ARHGAP18: variants seen among roughly 807,000 people sequenced by gnomAD.
ARHGAP18 encodes the protein Rho GTPase activating protein 18, also known as rho GTPase-activating protein 18.
In ARHGAP18, 67 loss-of-function variants were observed where a neutral mutation model predicts 86.2. That is an observed-to-expected ratio of 0.78 (90% CI 0.64 to 0.95). The LOEUF is 0.95. Among genes scored for constraint, ARHGAP18 ranks in the 40% least tolerant of loss-of-function variants. The pLI is 0.00. For synonymous variants in ARHGAP18, 283 were observed against 280.4 expected, an observed-to-expected ratio of 1.01 and a Z score of -0.09; for missense variants, 691 against 780.4, an observed-to-expected ratio of 0.89 and a Z score of 1.37.
intron 1 of ARHGAP18, among the ~76,000 whole-genome samples, chr6:129,686,788 C>CTTTTTT (rs553951472): frequency 6.0e-5 from 7 of 117,492 alleles, no homozygotes; most frequent in Non-Finnish European, 9.0e-5. Context: ...CTAATAAAAC[C>CTTTTTT]TTTTTTTTTT....
chr6:129,609,568 A>G (rs1328849063), intron 8 of ARHGAP18, among the ~76,000 whole-genome samples: 1 of 152,296 alleles, frequency 6.6e-6, no homozygotes, highest in Non-Finnish European at 1.5e-5. Flanking sequence ...ATATGAAGTT[A>G]TGTTTGTTAC....
chr6:129,595,270 T>C (rs1230579853), intron 12 of ARHGAP18, among the ~76,000 whole-genome samples: 1 of 152,210 alleles, frequency 6.6e-6, no homozygotes, highest in Non-Finnish European at 1.5e-5. Context: ...CATAGTAACA[T>C]ATTACGAATC....
At chr6:129,674,622 G>A (rs1774198952) in intron 1 of ARHGAP18, among the ~76,000 whole-genome samples, 1 of 152,202 alleles carries the variant, frequency 6.6e-6, no homozygotes, top group Admixed American at 6.5e-5. Flanking sequence ...TGTATGGGTA[G>A]TGTATTAGGT....
At chr6:129,599,855 C>T (rs1186422101) in intron 11 of ARHGAP18, among the ~76,000 whole-genome samples, 2 of 152,122 alleles carry the variant, frequency 1.3e-5, no homozygotes, top group Non-Finnish European at 2.9e-5. Flanking sequence ...TAAGAAATCA[C>T]ATTAGCAAAA....
At chr6:129,685,011 T>G (rs144513298) in intron 1 of ARHGAP18, among the ~76,000 whole-genome samples, 1 of 152,138 alleles carries the variant, frequency 6.6e-6, no homozygotes, top group African/African-American at 2.4e-5. Flanking sequence ...GAAACGTCAT[T>G]ACTGCTTTCT....
chr6:129,684,170 G>C (rs961922777), intron 1 of ARHGAP18, among the ~76,000 whole-genome samples: 7 of 152,264 alleles, frequency 4.6e-5, no homozygotes, highest in Non-Finnish European at 8.8e-5. Context: ...AGGACTGCCA[G>C]TGACAGGAGG....
rs371451644 is a variant in ARHGAP18 at position 129,629,524 on chromosome 6, T to C, written c.617-2A>G. 5.0e-6 allele frequency: 8 copies of C among 1,608,862 alleles called. 1 individual carries two copies. Among genetic ancestry groups the C allele is most frequent in the Non-Finnish European group, 6.8e-6 (8 of 1,178,390 alleles). On this transcript the variant is annotated splice_acceptor_variant, in intron 4 of 14. Transcript: ENST00000368149. LOFTEE classifies it high-confidence loss of function. ...CACCAACAAGGTTAGATGCCTCGTC[T>C]AGGGGCCCGGGGGGAAAGAACCCAA... is the stretch of plus-strand genomic sequence containing the variant.
intron 1 of ARHGAP18, among the ~76,000 whole-genome samples, chr6:129,686,056 A>G (rs1404699006): frequency 1.3e-5 from 2 of 152,234 alleles, no homozygotes; most frequent in East Asian, 3.8e-4. Context: ...GTGCTAAAGG[A>G]AAATTAAATA....
intron 1 of ARHGAP18, among the ~76,000 whole-genome samples, chr6:129,642,239 C>G (rs1773483996): frequency 6.6e-6 from 1 of 152,130 alleles, no homozygotes; most frequent in South Asian, 2.1e-4. Context: ...GTACAAATAG[C>G]AACATGGTAA....
chr6:129,670,650 C>G (rs746473610), intron 1 of ARHGAP18, among the ~76,000 whole-genome samples: 3 of 151,626 alleles, frequency 2.0e-5, no homozygotes, highest in Non-Finnish European at 4.4e-5. Context: ...CAAAAGGAGA[C>G]TCATTCAGAT....
Position 129,608,015 on chromosome 6 carries a change from C to T in ARHGAP18, c.1160G>A (p.Gly387Glu), listed in dbSNP as rs541221915. 66 of 1,598,030 alleles carry T rather than the reference C, an allele frequency of 4.1e-5. No homozygotes were observed. In the South Asian group the frequency reaches 6.5e-4, roughly 16 times the overall value. Residue 387 changes from glycine to glutamate, a missense_variant, in exon 9 of 15, where the codon GGG becomes GAG. Transcript: ENST00000368149. ...CQELEAKFYE[G>E]TFNWESVKQH... The stretch of plus-strand genomic sequence containing the variant: ...TTTGACACTTTCCCAATTAAAAGTC[C>T]CTTCATAAAACTTTGCTTCTAGTTC...
chr6:129,591,206 C>T (rs1020923429), intron 12 of ARHGAP18, among the ~76,000 whole-genome samples: 1 of 152,192 alleles, frequency 6.6e-6, no homozygotes, highest in African/African-American at 2.4e-5. Context: ...ATACAACATG[C>T]CTGATCGTTA....
intron 1 of ARHGAP18, among the ~76,000 whole-genome samples, chr6:129,652,930 A>G (rs903318225): frequency 6.6e-6 from 1 of 152,242 alleles, no homozygotes; most frequent in Admixed American, 6.5e-5. Context: ...TTCCTATAGC[A>G]AATATATTGC....
intron 1 of ARHGAP18, among the ~76,000 whole-genome samples, chr6:129,645,542 C>T (rs77158848): frequency 0.018 from 2,769 of 152,198 alleles, 84 homozygotes; most frequent in African/African-American, 0.062. Flanking sequence ...GCAATTATTC[C>T]AAGTTCCTTC....
At chr6:129,677,043 C>T (rs536987664) in intron 1 of ARHGAP18, among the ~76,000 whole-genome samples, 1 of 145,612 alleles carries the variant, frequency 6.9e-6, no homozygotes, top group East Asian at 2.1e-4. Context: ...AGATCTAAAA[C>T]GTAAATTCAG....
chr6:129,678,949 A>T (rs887659009), intron 1 of ARHGAP18, among the ~76,000 whole-genome samples: 1 of 152,236 alleles, frequency 6.6e-6, no homozygotes, highest in Non-Finnish European at 1.5e-5. Flanking sequence ...ATGATAGGAA[A>T]TGTTTAGGAA....
intron 1 of ARHGAP18, among the ~76,000 whole-genome samples, chr6:129,683,081 G>C (rs189955294): frequency 5.5e-4 from 60 of 109,426 alleles, no homozygotes; most frequent in Non-Finnish European, 6.3e-4. Flanking sequence ...TTTTTTTTTT[G>C]TTTTTTTTGA....
chr6:129,623,116 T>C (rs1165440977), intron 5 of ARHGAP18, among the ~76,000 whole-genome samples: 2 of 151,922 alleles, frequency 1.3e-5, no homozygotes, highest in Non-Finnish European at 2.9e-5. Context: ...TAGCTTTCCC[T>C]GGCGTGTTGC....
At chr6:129,629,213 A>T (rs1469240593) in intron 5 of ARHGAP18, 140 bp downstream of exon 5, 2 of 772,646 alleles carry the variant, frequency 2.6e-6, no homozygotes, top group African/African-American at 3.7e-5. Flanking sequence ...GTGAGGCCTC[A>T]TCTTTCTCTC....
Sources: allele counts gnomAD v4.1 joint callset (sites outside exome capture counted in the v4.1 genomes callset), GRCh38; gene constraint gnomAD v4.1.1; transcripts MANE v1.5; gene names NCBI Gene and HGNC (gene_info 2026-07-23, HGNC 2026-07-21).